RNF2: variants seen among roughly 807,000 people sequenced by gnomAD.
RNF2 encodes the protein ring finger protein 2.
Under a neutral mutation model 37.2 loss-of-function variants are expected in RNF2, and 6 were observed. The ratio of observed to expected loss-of-function variants is 0.16; its 90% CI spans 0.09 to 0.32. RNF2 has a LOEUF of 0.32. Ranked by LOEUF, RNF2 falls within the 10% of genes least tolerant of loss-of-function variation. The pLI is 1.00. For synonymous variants in RNF2, 133 were observed against 132.7 expected, an observed-to-expected ratio of 1.00 and a Z score of -0.02; for missense variants, 251 against 404.0, an observed-to-expected ratio of 0.62 and a Z score of 3.25.
Position 185,091,668 on chromosome 1 carries a change from G to T in RNF2, c.177G>T (p.Lys59Asn). Residue 59 changes from lysine (K) to asparagine (N), a missense_variant, in exon 3 of 7, where the codon AAG becomes AAT. Transcript: ENST00000367510. ...LMCPICLDML[K>N]NTMTTKECLH... ...GCCCAATTTGTTTGGATATGTTGAAGAACACCATGACTACAAAGGAGTGTT... is the reference window on the plus strand; with the variant it reads ...GCCCAATTTGTTTGGATATGTTGAATAACACCATGACTACAAAGGAGTGTT... The T allele has an allele frequency of 6.2e-7, 1 of 1,614,158 alleles. No homozygotes were observed. Among genetic ancestry groups the T allele is most frequent in the Non-Finnish European group, 8.5e-7 (1 of 1,180,012 alleles).
intron 1 of RNF2, among the ~76,000 whole-genome samples, chr1:185,053,209 T>G (rs1571292003): frequency 6.6e-6 from 1 of 152,112 alleles, no homozygotes; most frequent in East Asian, 1.9e-4. Context: ...ATTATTCCCA[T>G]AAAAAAATCC....
At chr1:185,081,283 G>A (rs1651341079) in intron 1 of RNF2, among the ~76,000 whole-genome samples, 1 of 152,118 alleles carries the variant, frequency 6.6e-6, no homozygotes, top group Non-Finnish European at 1.5e-5. Flanking sequence ...TGCTAGTTGT[G>A]GAAGTGTCTT....
intron 1 of RNF2, among the ~76,000 whole-genome samples, chr1:185,068,816 CTCTT>C (rs1252303163): frequency 6.6e-6 from 1 of 152,178 alleles, no homozygotes; most frequent in Non-Finnish European, 1.5e-5. Context: ...TTTACCTAAA[CTCTT>C]TCTCCTTTTG....
intron 3 of RNF2, 26 bp downstream of exon 3, chr1:185,091,765 A>G (rs974825834): frequency 1.3e-6 from 2 of 1,599,724 alleles, no homozygotes; most frequent in Non-Finnish European, 1.7e-6. Flanking sequence ...TTGTTATACT[A>G]GGTACTTAAT....
At chr1:185,086,296 G>A (rs1651599188) in intron 1 of RNF2, among the ~76,000 whole-genome samples, 1 of 152,010 alleles carries the variant, frequency 6.6e-6, no homozygotes, top group South Asian at 2.1e-4. Flanking sequence ...TGACTAGTGA[G>A]AAATATTTAC....
In RNF2 at chr1:185,049,024, G is replaced by A. The variant is rs571421923; in HGVS notation, c.-3+3375G>A. On this transcript the variant is annotated intron_variant, in intron 1 of 6. Coordinates refer to ENST00000367510, the MANE Select transcript of RNF2 (RefSeq NM_007212.4). ...AGGTGGATCACGAGGTCAAGTGTTC[G>A]AGACCAGTCTGACCAACTTGGTGAA... is the stretch of plus-strand genomic sequence containing the variant. Among the ~76,000 whole-genome samples, 4 of 152,178 alleles carry A rather than the reference G, an allele frequency of 2.6e-5. No homozygotes were observed. The South Asian group carries it at 8.3e-4, about 32-fold the overall frequency.
At chr1:185,060,707 A>G (rs1650573120) in intron 1 of RNF2, among the ~76,000 whole-genome samples, 1 of 152,228 alleles carries the variant, frequency 6.6e-6, no homozygotes, top group African/African-American at 2.4e-5. Context: ...ACCCTTTGGC[A>G]AGCAGAGGTT....
chr1:185,091,969 C>T (rs1027911454), intron 3 of RNF2: 33 of 361,368 alleles, frequency 9.1e-5, no homozygotes, highest in Admixed American at 1.3e-4. Flanking sequence ...GCATTGCCAC[C>T]GTGGCCGGCT....
At chr1:185,091,826 T>C in intron 3 of RNF2, 87 bp downstream of exon 3, 1 of 1,338,826 alleles carries the variant, frequency 7.5e-7, no homozygotes, top group Non-Finnish European at 1.0e-6. Context: ...TTCTTTTTTT[T>C]TTTTTTGAGA....
At chr1:185,099,688 C>T in intron 5 of RNF2, 103 bp from the exon 6 acceptor site, 1 of 914,012 alleles carries the variant, frequency 1.1e-6, no homozygotes, top group East Asian at 2.6e-5. Flanking sequence ...GAGACATTGC[C>T]ATTTTACTTA....
chr1:185,086,355 A>AG (rs1651600771), intron 1 of RNF2, among the ~76,000 whole-genome samples: 2 of 151,992 alleles, frequency 1.3e-5, no homozygotes, highest in Non-Finnish European at 2.9e-5. Flanking sequence ...GTCCCACAAG[A>AG]GTGAGTTTTT....
chr1:185,080,046 A>T (rs1651299687), intron 1 of RNF2, among the ~76,000 whole-genome samples: 1 of 152,108 alleles, frequency 6.6e-6, no homozygotes, highest in African/African-American at 2.4e-5. Flanking sequence ...GGCTGTTGGG[A>T]TCTAGGGAGC....
At chr1:185,052,665 T>C (rs1650304851) in intron 1 of RNF2, among the ~76,000 whole-genome samples, 1 of 152,250 alleles carries the variant, frequency 6.6e-6, no homozygotes, top group Admixed American at 6.5e-5. Flanking sequence ...TGCCACTAAA[T>C]GTTCAATTTA....
At chr1:185,087,818 A>G (rs1651647399) in intron 2 of RNF2, among the ~76,000 whole-genome samples, 178 bp downstream of exon 2, 1 of 152,258 alleles carries the variant, frequency 6.6e-6, no homozygotes. Context: ...TGAATACTCT[A>G]TACAAGCTTT....
At chr1:185,065,935 T>A (rs915434583) in intron 1 of RNF2, among the ~76,000 whole-genome samples, 2 of 149,130 alleles carry the variant, frequency 1.3e-5, no homozygotes, top group African/African-American at 2.5e-5. Context: ...ATAAAAATAC[T>A]ACTTTCTGCT....
chr1:185,047,473 G>A (rs973683172), intron 1 of RNF2, among the ~76,000 whole-genome samples: 1 of 152,210 alleles, frequency 6.6e-6, no homozygotes, highest in African/African-American at 2.4e-5. Flanking sequence ...ACAGTTTGTG[G>A]TGTCACGTCT....
chr1:185,061,556 T>C (rs1297098494), intron 1 of RNF2, among the ~76,000 whole-genome samples: 2 of 152,102 alleles, frequency 1.3e-5, no homozygotes, highest in South Asian at 2.1e-4. Flanking sequence ...GGCAGGTGGA[T>C]GTGGAGAAGT....
intron 5 of RNF2, 145 bp downstream of exon 5, chr1:185,098,489 T>C: frequency 2.1e-6 from 2 of 970,444 alleles, no homozygotes; most frequent in Non-Finnish European, 3.0e-6. Flanking sequence ...GATTGTTGTT[T>C]TCTTCCTTCC....
rs186046015 is a variant in RNF2, at chr1:185,101,786, A to T, written c.*1485A>T. The T allele has an allele frequency of 1.9e-4, 27 of 141,306 alleles. No homozygotes were observed. Among genetic ancestry groups the T allele is most frequent in the African/African-American group, 6.9e-4 (26 of 37,574 alleles). 8.8% of individuals were successfully genotyped at this position (141,306 alleles called of 1,614,324 possible). A position where few individuals can be genotyped will look rare whatever the true frequency, so the allele number is the denominator to read the frequency against. On this transcript the variant is annotated 3_prime_UTR_variant, in exon 7 of 7. Transcript: ENST00000367510. ...ATGAAAACTTAAAGGTATATATTCAATTTTTTACCATTTTATGGAAAATAT... is the reference window on the plus strand; with the variant it reads ...ATGAAAACTTAAAGGTATATATTCATTTTTTTACCATTTTATGGAAAATAT...
Sources: allele counts gnomAD v4.1 joint callset (sites outside exome capture counted in the v4.1 genomes callset), GRCh38; gene constraint gnomAD v4.1.1; transcripts MANE v1.5; gene names NCBI Gene and HGNC (gene_info 2026-07-23, HGNC 2026-07-21).